CDH12: variants seen among roughly 807,000 people sequenced by gnomAD.
CDH12 encodes the protein cadherin 12.
In CDH12, 41 loss-of-function variants were observed where a neutral mutation model predicts 74.1. The observed-to-expected ratio is 0.55, with a 90% confidence interval of 0.43 to 0.72. The LOEUF is 0.72. Ranked by LOEUF, CDH12 falls within the 30% of genes least tolerant of loss-of-function variation. The pLI, the probability that CDH12 is intolerant of heterozygous loss-of-function variation, is 0.00. For missense variants in CDH12, 945 were observed against 977.2 expected, an observed-to-expected ratio of 0.97 and a Z score of 0.44; for synonymous variants, 399 against 355.0, an observed-to-expected ratio of 1.12 and a Z score of -1.39.
chr5:21,819,414 T>C (rs1436927447), intron 8 of CDH12, among the ~76,000 whole-genome samples: 1 of 152,048 alleles, frequency 6.6e-6, no homozygotes, highest in East Asian at 1.9e-4. Context: ...TTTCCTTTTT[T>C]TCTTCTAAAA....
At chr5:22,655,601 A>G (rs1739992457) in intron 1 of CDH12, among the ~76,000 whole-genome samples, 1 of 152,206 alleles carries the variant, frequency 6.6e-6, no homozygotes, top group Non-Finnish European at 1.5e-5. Flanking sequence ...TGCATTTAGA[A>G]CATAACATTA....
chr5:22,467,503 C>T (rs1745785462), intron 2 of CDH12, among the ~76,000 whole-genome samples: 1 of 152,144 alleles, frequency 6.6e-6, no homozygotes, highest in African/African-American at 2.4e-5. Flanking sequence ...GTCACCTCTA[C>T]CTGCAATATA....
At chr5:22,832,538 A>T (rs1450588385) in intron 1 of CDH12, among the ~76,000 whole-genome samples, 1 of 152,182 alleles carries the variant, frequency 6.6e-6, no homozygotes. Context: ...TCTGGGAATT[A>T]GGTTTATTAT....
intron 1 of CDH12, among the ~76,000 whole-genome samples, chr5:22,508,673 A>G (rs1736490806): frequency 6.6e-6 from 1 of 152,154 alleles, no homozygotes; most frequent in Non-Finnish European, 1.5e-5. Flanking sequence ...CCTTTCTATG[A>G]ATCCCAGGTC....
chr5:21,762,268 A>G (rs1744768027), intron 12 of CDH12, among the ~76,000 whole-genome samples: 1 of 152,122 alleles, frequency 6.6e-6, no homozygotes, highest in Non-Finnish European at 1.5e-5. Context: ...CTTATCTGGA[A>G]GTGTTGCTTG....
At chr5:22,845,754 C>T (rs528661982) in intron 1 of CDH12, among the ~76,000 whole-genome samples, 26 of 152,018 alleles carry the variant, frequency 1.7e-4, no homozygotes, top group African/African-American at 4.3e-4. Flanking sequence ...TTGAACTTGA[C>T]GTAATGAGAA....
At chr5:22,094,487 T>C (rs1047344613) in intron 4 of CDH12, among the ~76,000 whole-genome samples, 2 of 152,040 alleles carry the variant, frequency 1.3e-5, no homozygotes, top group Non-Finnish European at 2.9e-5. Context: ...CTCAGAGGAA[T>C]GTGTACAAGG....
At chr5:22,424,798 T>C (rs2126504995) in intron 2 of CDH12, among the ~76,000 whole-genome samples, 1 of 152,188 alleles carries the variant, frequency 6.6e-6, no homozygotes, top group African/African-American at 2.4e-5. Context: ...TTATATCTTA[T>C]TTAATGGAAT....
rs988371416 is a variant in CDH12, at chr5:22,175,959, C to G, written c.-187+36539G>C. On this transcript the variant is annotated intron_variant, in intron 4 of 14. Transcript: ENST00000382254. The stretch of plus-strand genomic sequence containing the variant: ...TGTTTATTTTCTTCCTTTCTCCACT[C>G]CTAAAAATGTGTAGATCATTATAGG... Among the ~76,000 whole-genome samples the G allele has an allele frequency of 5.5e-4, 84 of 152,316 alleles. 1 individual carries two copies. The highest frequency in any genetic ancestry group is 2.0e-3 in the African/African-American group (82 of 41,570).
rs375131865 is a variant in CDH12, at chr5:21,760,512, A to G, written c.1633+46T>C. The G allele has an allele frequency of 4.8e-5, 44 of 909,056 alleles. No individual in the cohort carries two copies. The African/African-American group carries it at 6.5e-4, about 13-fold the overall frequency. 56.3% of individuals were successfully genotyped at this position (909,056 alleles called of 1,614,324 possible). ...TTGATTCCTCCCTTTGTGCCTTTTT[A>G]CAAAGATACATGATAAGAGGTAAAT... On this transcript the variant is annotated intron_variant, in intron 13 of 14. Coordinates refer to ENST00000382254, the MANE Select transcript of CDH12 (RefSeq NM_004061.5).
At chr5:22,213,556 C>T (rs535111600) in intron 3 of CDH12, 2 of 152,240 alleles carry the variant, frequency 1.3e-5, no homozygotes, top group Admixed American at 6.5e-5. Context: ...CGTTACCAAC[C>T]TGCTGGTCCC....
intron 5 of CDH12, among the ~76,000 whole-genome samples, chr5:22,051,786 AG>A (rs1458672442): frequency 3.3e-5 from 5 of 152,054 alleles, no homozygotes; most frequent in African/African-American, 1.2e-4. Context: ...TCAAACTAAA[AG>A]GGGAGTGAAA....
intron 10 of CDH12, among the ~76,000 whole-genome samples, chr5:21,785,996 G>A (rs1466774552): frequency 6.6e-6 from 1 of 152,130 alleles, no homozygotes; most frequent in Non-Finnish European, 1.5e-5. Context: ...TCTCTTAGTA[G>A]AGGCTGATAC....
intron 3 of CDH12, among the ~76,000 whole-genome samples, chr5:22,247,318 T>G (rs1752982202): frequency 6.6e-6 from 1 of 152,148 alleles, no homozygotes; most frequent in Non-Finnish European, 1.5e-5. Context: ...CAATGAAGCC[T>G]AGTAAAGCTT....
At chr5:22,333,706 T>C (rs1739442592) in intron 3 of CDH12, among the ~76,000 whole-genome samples, 1 of 152,190 alleles carries the variant, frequency 6.6e-6, no homozygotes, top group Non-Finnish European at 1.5e-5. Context: ...TCAGTATTTT[T>C]AACGAATATT....
At chr5:22,377,878 G>A (rs1032239896) in intron 3 of CDH12, among the ~76,000 whole-genome samples, 7 of 152,072 alleles carry the variant, frequency 4.6e-5, no homozygotes, top group African/African-American at 9.7e-5. Context: ...GATTTAATGC[G>A]TTTGGAAATT....
At chr5:22,772,262 G>A (rs548363190) in intron 1 of CDH12, among the ~76,000 whole-genome samples, 18 of 152,092 alleles carry the variant, frequency 1.2e-4, no homozygotes, top group Non-Finnish European at 1.8e-4. Context: ...AGAACAACAA[G>A]TACAAAGTCC....
chr5:22,446,681 T>C (rs530449707), intron 2 of CDH12, among the ~76,000 whole-genome samples: 3 of 152,234 alleles, frequency 2.0e-5, no homozygotes, highest in South Asian at 4.1e-4. Flanking sequence ...ATTATTGGGC[T>C]TACTGAATAT....
At chr5:21,830,385 T>C (rs1386508783) in intron 8 of CDH12, among the ~76,000 whole-genome samples, 1 of 151,936 alleles carries the variant, frequency 6.6e-6, no homozygotes, top group East Asian at 1.9e-4. Flanking sequence ...AATAAACATC[T>C]TTACTGTCAG....
Sources: allele counts gnomAD v4.1 joint callset (sites outside exome capture counted in the v4.1 genomes callset), GRCh38; gene constraint gnomAD v4.1.1; transcripts MANE v1.5; gene names NCBI Gene and HGNC (gene_info 2026-07-23, HGNC 2026-07-21).